The following ABTB3 variants were observed in gnomAD, a reference collection of about 807,000 sequenced individuals.
ABTB3 encodes the protein ankyrin repeat- and BTB/POZ domain-containing protein 3.
the ABTB3 span, among the ~76,000 whole-genome samples, chr12:107,653,620 C>A: frequency 5.9e-5 from 9 of 152,040 alleles, no homozygotes; most frequent in Non-Finnish European, 7.4e-5. Context: ...TGTGCAGGCA[C>A]CTGTGCTAAG....
chr12:107,628,502 A>G, the ABTB3 span, among the ~76,000 whole-genome samples: 1 of 152,164 alleles, frequency 6.6e-6, no homozygotes. Context: ...CCCTGAAAGT[A>G]ACAGTAATTC....
the ABTB3 span, among the ~76,000 whole-genome samples, chr12:107,479,683 A>G: frequency 6.6e-6 from 1 of 152,100 alleles, no homozygotes; most frequent in Admixed American, 6.5e-5. Flanking sequence ...ATGTCTCCCC[A>G]GAGCCTAATA....
chr12:107,521,563 G>A, the ABTB3 span, among the ~76,000 whole-genome samples: 14,818 of 151,994 alleles, frequency 0.097, 792 homozygotes, highest in South Asian at 0.14. Flanking sequence ...TCCACTTAAA[G>A]CATATATCAG....
At chr12:107,486,601 A>G in the ABTB3 span, 1 of 151,966 alleles carries the variant, frequency 6.6e-6, no homozygotes, top group Non-Finnish European at 1.5e-5. Context: ...AAATCAGACA[A>G]TATTGGGCAT....
chr12:107,327,968 T>C, the ABTB3 span, among the ~76,000 whole-genome samples: 1 of 152,152 alleles, frequency 6.6e-6, no homozygotes, highest in African/African-American at 2.4e-5. Flanking sequence ...TGATAGAGAA[T>C]GTGGAGGATT....
chr12:107,363,231 C>T, the ABTB3 span, among the ~76,000 whole-genome samples: 212 of 152,350 alleles, frequency 1.4e-3, no homozygotes, highest in African/African-American at 5.0e-3. Context: ...AACCACTTCA[C>T]CATGTGTTTT....
the ABTB3 span, among the ~76,000 whole-genome samples, chr12:107,456,828 G>A: frequency 2.0e-5 from 3 of 151,556 alleles, no homozygotes; most frequent in African/African-American, 7.3e-5. Flanking sequence ...TCTAGTGACG[G>A]TGCATGTGGC....
At chr12:107,583,655 C>T in the ABTB3 span, among the ~76,000 whole-genome samples, 1 of 152,216 alleles carries the variant, frequency 6.6e-6, no homozygotes, top group Non-Finnish European at 1.5e-5. Flanking sequence ...CGCCCCCCCT[C>T]CTCAGCACAG....
the ABTB3 span, among the ~76,000 whole-genome samples, chr12:107,517,327 C>T: frequency 1.3e-5 from 2 of 152,240 alleles, no homozygotes; most frequent in East Asian, 3.9e-4. Flanking sequence ...GTTCTTTTGG[C>T]TTAGGATTGA....
the ABTB3 span, among the ~76,000 whole-genome samples, chr12:107,588,545 G>A: frequency 6.6e-6 from 1 of 152,168 alleles, no homozygotes; most frequent in Non-Finnish European, 1.5e-5. Flanking sequence ...GTTTGAGACA[G>A]AGTCTTGCTC....
chr12:107,500,375 A>C, the ABTB3 span, among the ~76,000 whole-genome samples: 6 of 152,084 alleles, frequency 3.9e-5, no homozygotes, highest in South Asian at 1.2e-3. Flanking sequence ...ATCTGTTTTC[A>C]ACCATCTAGT....
the ABTB3 span, among the ~76,000 whole-genome samples, chr12:107,414,581 T>C: frequency 3.3e-5 from 5 of 152,308 alleles, no homozygotes; most frequent in African/African-American, 1.2e-4. Context: ...GAAATAAAGG[T>C]GGCGAGACAT....
chr12:107,374,681 A>G, the ABTB3 span: 1 of 152,238 alleles, frequency 6.6e-6, no homozygotes, highest in Non-Finnish European at 1.5e-5. Context: ...CAAGCTAGTG[A>G]CTTCTCTGTT....
chr12:107,609,099 A>C, the ABTB3 span, among the ~76,000 whole-genome samples: 1 of 152,176 alleles, frequency 6.6e-6, no homozygotes, highest in South Asian at 2.1e-4. Flanking sequence ...GCACTCCTGC[A>C]GCGCCTGTGT....
chr12:107,334,800 G>C, the ABTB3 span, among the ~76,000 whole-genome samples: 1 of 152,174 alleles, frequency 6.6e-6, no homozygotes, highest in Non-Finnish European at 1.5e-5. Flanking sequence ...CAGCAGAGGA[G>C]GCTGAGAAGG....
chr12:107,337,545 T>C, the ABTB3 span, among the ~76,000 whole-genome samples: 3 of 152,212 alleles, frequency 2.0e-5, no homozygotes, highest in South Asian at 6.2e-4. Flanking sequence ...TCACCACCGA[T>C]GATGTCGGTG....
the ABTB3 span, among the ~76,000 whole-genome samples, chr12:107,616,655 A>G: frequency 6.6e-6 from 1 of 152,202 alleles, no homozygotes; most frequent in Non-Finnish European, 1.5e-5. Flanking sequence ...CTGTGGTTCT[A>G]CGAGGCTACC....
the ABTB3 span, among the ~76,000 whole-genome samples, chr12:107,484,029 A>G: frequency 6.6e-6 from 1 of 152,170 alleles, no homozygotes; most frequent in Non-Finnish European, 1.5e-5. Flanking sequence ...TCCACGAATC[A>G]GATGTGCCTG....
chr12:107,640,267 C>T, the ABTB3 span: 1 of 1,155,494 alleles, frequency 8.7e-7, no homozygotes. Context: ...AAACTTCATC[C>T]TTTTTTCCAC....
Sources: gnomAD v4.1 joint callset for allele counts (sites outside exome capture counted in the v4.1 genomes callset) on GRCh38, gnomAD v4.1.1 for gene constraint, MANE v1.5 for transcripts, NCBI Gene and HGNC (gene_info 2026-07-23, HGNC 2026-07-21) for gene names.